The following SMAD5 variants were observed in gnomAD, a reference collection of about 807,000 sequenced individuals.
The protein encoded by SMAD5 is MAD, mothers against decapentaplegic homolog 5.
In SMAD5, 9 loss-of-function variants were observed where a neutral mutation model predicts 43.1. The observed-to-expected ratio is 0.21, with a 90% CI of 0.13 to 0.36. The LOEUF (loss-of-function observed/expected upper bound fraction) is 0.36. Among genes scored for constraint, SMAD5 ranks in the 10% least tolerant of loss-of-function variants. SMAD5 has a pLI of 1.00. For synonymous variants in SMAD5, 190 were observed against 192.4 expected, an observed-to-expected ratio of 0.99 and a Z score of 0.10; for missense variants, 348 against 574.0, an observed-to-expected ratio of 0.61 and a Z score of 4.02.
In SMAD5 at chr5:136,181,693, T is replaced by G. The variant is rs1754633363; in HGVS notation, c.*4213T>G. The G allele has an allele frequency of 6.6e-6, 1 of 152,182 alleles. No individual in the cohort carries two copies. Among genetic ancestry groups the G allele is most frequent in the Non-Finnish European group, 1.5e-5 (1 of 68,002 alleles). 9.4% of individuals were successfully genotyped at this position (152,182 alleles called of 1,614,324 possible). A position where few individuals can be genotyped will look rare whatever the true frequency, so the allele number is the denominator to read the frequency against. Reference sequence around the variant, plus strand: ...ACCTGCTGGACAGAAACCTGGAAAGTTCTTTGGAATTCGCTGAATTACAGT... The same window carrying G: ...ACCTGCTGGACAGAAACCTGGAAAGGTCTTTGGAATTCGCTGAATTACAGT... On this transcript the variant is annotated 3_prime_UTR_variant, in exon 8 of 8. Transcript: ENST00000545279.
At chr5:136,173,603 T>C (rs1754299905) in intron 6 of SMAD5, among the ~76,000 whole-genome samples, 1 of 152,102 alleles carries the variant, frequency 6.6e-6, no homozygotes. Context: ...ACAGTAGAAG[T>C]AATTTAAGGG....
chr5:136,176,175 C>T (rs1048519690), intron 7 of SMAD5, among the ~76,000 whole-genome samples: 5 of 151,552 alleles, frequency 3.3e-5, no homozygotes, highest in East Asian at 3.9e-4. Flanking sequence ...AAACCTGGGC[C>T]GGGTGAGGTG....
intron 4 of SMAD5, among the ~76,000 whole-genome samples, chr5:136,161,798 A>G (rs1446218240): frequency 6.6e-6 from 1 of 152,244 alleles, no homozygotes; most frequent in Non-Finnish European, 1.5e-5. Flanking sequence ...ATATAAGTAC[A>G]GTAAGTCCTC....
intron 1 of SMAD5, among the ~76,000 whole-genome samples, chr5:136,145,313 A>C (rs1285368189): frequency 6.6e-6 from 1 of 151,882 alleles, no homozygotes; most frequent in Non-Finnish European, 1.5e-5. Context: ...TGCCATTTAA[A>C]ATATTTTCTT....
intron 2 of SMAD5, among the ~76,000 whole-genome samples, chr5:136,148,725 G>A (rs1284539729): frequency 6.6e-6 from 1 of 151,594 alleles, no homozygotes; most frequent in Non-Finnish European, 1.5e-5. Context: ...TCAAATCCTA[G>A]ATCCTACATT....
chr5:136,137,712 A>G (rs1301643356), intron 1 of SMAD5, among the ~76,000 whole-genome samples: 1 of 152,198 alleles, frequency 6.6e-6, no homozygotes, highest in African/African-American at 2.4e-5. Context: ...TCTTAGTCAC[A>G]TCTTCTGTCT....
chr5:136,174,885 G>C (rs1429225064), intron 7 of SMAD5, among the ~76,000 whole-genome samples: 1 of 152,106 alleles, frequency 6.6e-6, no homozygotes, highest in Non-Finnish European at 1.5e-5. Flanking sequence ...AGATTATAAG[G>C]AATTTTAGTT....
chr5:136,154,213 C>T, intron 3 of SMAD5, 50 bp downstream of exon 3: 1 of 1,205,152 alleles, frequency 8.3e-7, no homozygotes, highest in Non-Finnish European at 1.1e-6. Flanking sequence ...CAAAAAACCT[C>T]TCTTCCTGAT....
chr5:136,156,531 T>C (rs1212025282), intron 3 of SMAD5, among the ~76,000 whole-genome samples: 1 of 152,136 alleles, frequency 6.6e-6, no homozygotes, highest in Non-Finnish European at 1.5e-5. Context: ...AGCTTTAGAG[T>C]GTCTTTAGAC....
chr5:136,165,397 A>G (rs563600584), intron 5 of SMAD5, among the ~76,000 whole-genome samples: 3 of 151,404 alleles, frequency 2.0e-5, no homozygotes, highest in East Asian at 3.9e-4. Context: ...TTGTTTTTTT[A>G]TGGCAAACTA....
intron 2 of SMAD5, among the ~76,000 whole-genome samples, chr5:136,150,502 T>C (rs1290194599): frequency 6.6e-6 from 1 of 151,998 alleles, no homozygotes; most frequent in Non-Finnish European, 1.5e-5. Flanking sequence ...TGGGAAGTTA[T>C]GATATTATTT....
intron 5 of SMAD5, among the ~76,000 whole-genome samples, chr5:136,166,177 T>C (rs1580792462): frequency 6.6e-6 from 1 of 151,860 alleles, no homozygotes; most frequent in East Asian, 1.9e-4. Flanking sequence ...TTTTTTTTTT[T>C]TTGGATAATT....
At chr5:136,147,530 G>A (rs935853578) in intron 1 of SMAD5, 2 of 151,828 alleles carry the variant, frequency 1.3e-5, no homozygotes, top group Admixed American at 6.6e-5. Context: ...ACAGTGGTTT[G>A]GAATATGGAT....
rs142983767 is a variant in SMAD5 at position 136,144,185 on chromosome 5, A to G, written c.-244-3647A>G. 3.2e-4 allele frequency among the ~76,000 whole-genome samples: 48 copies of G among 152,084 alleles called. No individual in the cohort carries two copies. The East Asian group carries it at 9.1e-3, about 29-fold the overall frequency. On this transcript the variant is annotated intron_variant, in intron 1 of 7. Transcript: ENST00000545279. Reference sequence around the variant, plus strand: ...GGTTTCCTAATGAGATTTTAGATTTAGATTTTGGGGGATTCTCTGGTTTTC... The same window carrying G: ...GGTTTCCTAATGAGATTTTAGATTTGGATTTTGGGGGATTCTCTGGTTTTC...
Position 136,164,918 on chromosome 5 carries a change from A to T in SMAD5, c.775+1527A>T, listed in dbSNP as rs554320475. On this transcript the variant is annotated intron_variant, in intron 5 of 7. Coordinates refer to ENST00000545279, the MANE Select transcript of SMAD5 (RefSeq NM_005903.7). ...GTGGTATATGGTAAATGTCTACATT[A>T]AGTTTTTTGCATATAGAAATCCAGT... Among the ~76,000 whole-genome samples, 7 of 152,286 alleles carry T rather than the reference A, an allele frequency of 4.6e-5. No homozygotes were observed. The South Asian group carries it at 1.4e-3, about 32-fold the overall frequency.
At chr5:136,148,935 T>C (rs911900032) in intron 2 of SMAD5, among the ~76,000 whole-genome samples, 15 of 151,754 alleles carry the variant, frequency 9.9e-5, no homozygotes, top group African/African-American at 3.6e-4. Context: ...AGAATTAAAG[T>C]GTGTAGCTTA....
In SMAD5 at chr5:136,180,019, C is replaced by T. The variant is rs549818840; in HGVS notation, c.*2539C>T. 5 of 152,230 alleles carry T rather than the reference C, an allele frequency of 3.3e-5. No individual in the cohort carries two copies. The highest frequency in any genetic ancestry group is 7.2e-5 in the African/African-American group (3 of 41,548). The allele number at this position is 152,230 out of a possible 1,614,324, so 9.4% of individuals were successfully genotyped here. On this transcript the variant is annotated 3_prime_UTR_variant, in exon 8 of 8. Transcript: ENST00000545279. ...TTGTTTTCTCTTAGGAGTTGTGTCT[C>T]ATGAATGACAGTACTAAAGCTATTA...
chr5:136,142,393 G>A (rs185102635), intron 1 of SMAD5, among the ~76,000 whole-genome samples: 1 of 152,138 alleles, frequency 6.6e-6, no homozygotes, highest in African/African-American at 2.4e-5. Flanking sequence ...AATTTTATAA[G>A]GTTTTCATTT....
At chr5:136,174,717 TGAAA>T in intron 7 of SMAD5, 85 bp downstream of exon 7, 2 of 947,700 alleles carry the variant, frequency 2.1e-6, no homozygotes, top group Non-Finnish European at 3.2e-6. Flanking sequence ...AATTGTTAAA[TGAAA>T]GTTGATAATT....
Sources: gnomAD v4.1 joint callset for allele counts (sites outside exome capture counted in the v4.1 genomes callset) on GRCh38, gnomAD v4.1.1 for gene constraint, MANE v1.5 for transcripts, NCBI Gene and HGNC (gene_info 2026-07-23, HGNC 2026-07-21) for gene names.